The following RIMBP2 variants were observed in gnomAD, a reference collection of about 807,000 sequenced individuals.
RIMBP2 encodes the protein RIMS-binding protein 2.
Under a neutral mutation model 118.6 loss-of-function variants are expected in RIMBP2, and 48 were observed. The ratio of observed to expected loss-of-function variants is 0.40; its 90% CI spans 0.32 to 0.51. RIMBP2 has a LOEUF of 0.51. Ranked by LOEUF, RIMBP2 falls within the 20% of genes least tolerant of loss-of-function variation. The pLI, the probability that RIMBP2 is intolerant of heterozygous loss-of-function variation, is 0.41. For synonymous variants in RIMBP2, 762 were observed against 742.9 expected, an observed-to-expected ratio of 1.03 and a Z score of -0.42; for missense variants, 1,551 against 1,768.3, an observed-to-expected ratio of 0.88 and a Z score of 2.20.
At chr12:130,398,011 A>G (rs1321893042) in intron 22 of RIMBP2, 4 of 152,820 alleles carry the variant, frequency 2.6e-5, no homozygotes, top group African/African-American at 7.2e-5. Flanking sequence ...TTGGTATACT[A>G]TAGAAATATT....
intron 12 of RIMBP2, 88 bp downstream of exon 12, chr12:130,438,277 C>T: frequency 1.4e-6 from 2 of 1,462,586 alleles, no homozygotes; most frequent in South Asian, 2.5e-5. Context: ...AAGAGCAGAC[C>T]CTGCCTCCTC....
intron 2 of RIMBP2, among the ~76,000 whole-genome samples, chr12:130,593,021 G>A (rs2059365589): frequency 6.6e-6 from 1 of 152,106 alleles, no homozygotes; most frequent in African/African-American, 2.4e-5. Flanking sequence ...CTCTGCTTCC[G>A]CTCGGATAGA....
Position 130,640,106 on chromosome 12 carries a change from C to T in RIMBP2, c.-351-11650G>A, listed in dbSNP as rs537486720. ...CCGCCCCAGAACAATGGGCATCTCACGATGTTATTCTCGATCACAGACATT... is the reference window on the plus strand; with the variant it reads ...CCGCCCCAGAACAATGGGCATCTCATGATGTTATTCTCGATCACAGACATT... On this transcript the variant is annotated intron_variant, in intron 1 of 22. Coordinates refer to ENST00000690449, the MANE Select transcript of RIMBP2 (RefSeq NM_001393629.1). Among the ~76,000 whole-genome samples the T allele has an allele frequency of 1.1e-4, 17 of 152,254 alleles. No homozygotes were observed. The South Asian group carries it at 1.5e-3, about 13-fold the overall frequency.
chr12:130,530,280 G>A (rs2053232195), intron 2 of RIMBP2, among the ~76,000 whole-genome samples: 1 of 151,914 alleles, frequency 6.6e-6, no homozygotes, highest in African/African-American at 2.4e-5. Flanking sequence ...GATTTGCAAG[G>A]GTAATTTTTT....
At chr12:130,504,269 G>C (rs1346058175) in intron 4 of RIMBP2, among the ~76,000 whole-genome samples, 3 of 152,160 alleles carry the variant, frequency 2.0e-5, no homozygotes, top group African/African-American at 7.2e-5. Context: ...GTTCTGTGCA[G>C]GCAAAGGGGA....
intron 1 of RIMBP2, among the ~76,000 whole-genome samples, chr12:130,654,252 T>C (rs1056320650): frequency 4.6e-5 from 7 of 152,378 alleles, no homozygotes; most frequent in Non-Finnish European, 1.0e-4. Context: ...CATAGGTTAT[T>C]AGAAGCAGCC....
At chr12:130,421,701 G>A (rs2076422054) in intron 17 of RIMBP2, among the ~76,000 whole-genome samples, 1 of 151,034 alleles carries the variant, frequency 6.6e-6, no homozygotes, top group African/African-American at 2.5e-5. Flanking sequence ...ATGTGTGTGT[G>A]TGTGTGTGTG....
chr12:130,704,701 T>A (rs1255910302), intron 1 of RIMBP2, among the ~76,000 whole-genome samples: 2 of 152,176 alleles, frequency 1.3e-5, no homozygotes, highest in Non-Finnish European at 2.9e-5. Context: ...CGTGGACTCA[T>A]AACCCCTCGC....
At position 130,431,525 on chromosome 12, in the gene RIMBP2, A is replaced by G. The variant is rs977500288; in HGVS notation, c.2254-3188T>C. On this transcript the variant is annotated intron_variant, in intron 14 of 22. Coordinates refer to ENST00000690449, the MANE Select transcript of RIMBP2 (RefSeq NM_001393629.1). The surrounding 1 kb of genome is among the most constrained non-coding windows in gnomAD (Gnocchi z 4.0). ...TTTAAAGAAAATATCTCAACTGTAA[A>G]TGGAAAATAAGTATCACTTATTTTA... 15 of 298,302 alleles carry G rather than the reference A, an allele frequency of 5.0e-5. 1 individual carries two copies. Among genetic ancestry groups the G allele is most frequent in the Admixed American group, 3.2e-4 (10 of 31,652 alleles). 18.5% of individuals were successfully genotyped at this position (298,302 alleles called of 1,614,324 possible). A position where few individuals can be genotyped will look rare whatever the true frequency, so the allele number is the denominator to read the frequency against.
In RIMBP2 at chr12:130,577,770, G is replaced by A. The variant is rs1196426198; in HGVS notation, c.-217+50552C>T. ...AAAATGCCTTTATGGTGCAATAAAC[G>A]GGAAGCTGACATCCCTCCATCTCAT... On this transcript the variant is annotated intron_variant, in intron 2 of 22. Coordinates refer to ENST00000690449, the MANE Select transcript of RIMBP2 (RefSeq NM_001393629.1). Among the ~76,000 whole-genome samples, 4 of 152,012 alleles carry A rather than the reference G, an allele frequency of 2.6e-5. No homozygotes were observed. In the East Asian group the frequency reaches 5.8e-4, roughly 22 times the overall value.
Position 130,620,257 on chromosome 12 carries a change from C to A in RIMBP2, c.-217+8065G>T, listed in dbSNP as rs2140811427. ...GAATTTAAATCTTGAGCAGAGGGACCCAAGGACAAAAAAAAGAACCAGCAG... is the reference window on the plus strand; with the variant it reads ...GAATTTAAATCTTGAGCAGAGGGACACAAGGACAAAAAAAAGAACCAGCAG... On this transcript the variant is annotated intron_variant, in intron 2 of 22. Coordinates refer to ENST00000690449, the MANE Select transcript of RIMBP2 (RefSeq NM_001393629.1). The surrounding 1 kb of genome is among the most constrained non-coding windows in gnomAD (Gnocchi z 5.3). Among the ~76,000 whole-genome samples the A allele has an allele frequency of 6.6e-6, 1 of 152,160 alleles. No homozygotes were observed. Among genetic ancestry groups the A allele is most frequent in the East Asian group, 1.9e-4 (1 of 5,176 alleles).
At position 130,397,356 on chromosome 12, in the gene RIMBP2, A is replaced by G. The variant is rs2074141920; in HGVS notation, c.*5T>C. 2.5e-6 allele frequency: 1 copy of G among 399,056 alleles called. No homozygotes were observed. The highest frequency in any genetic ancestry group is 4.4e-6 in the Non-Finnish European group (1 of 226,058). The allele number at this position is 399,056 out of a possible 1,614,324, so 24.7% of individuals were successfully genotyped here. A position where few individuals can be genotyped will look rare whatever the true frequency, so the allele number is the denominator to read the frequency against. ...AGATTTGGCAGTTGTCCGGAAGCAC[A>G]TGAATCATTTCACTGCACCCAGCTT... On this transcript the variant is annotated 3_prime_UTR_variant, in exon 23 of 23. Coordinates refer to ENST00000690449, the MANE Select transcript of RIMBP2 (RefSeq NM_001393629.1).
chr12:130,662,869 C>A (rs1287053669), intron 1 of RIMBP2, among the ~76,000 whole-genome samples: 1 of 151,918 alleles, frequency 6.6e-6, no homozygotes, highest in African/African-American at 2.4e-5. Flanking sequence ...GTTGGGAGGA[C>A]TGCTTGAGCC....
rs1425626905 is a variant in RIMBP2 at position 130,617,181 on chromosome 12, A to G, written c.-217+11141T>C. Among the ~76,000 whole-genome samples, 1 of 135,388 alleles carries G rather than the reference A, an allele frequency of 7.4e-6. No individual in the cohort carries two copies. Among genetic ancestry groups the G allele is most frequent in the East Asian group, 2.5e-4 (1 of 4,016 alleles). 88.8% of individuals were successfully genotyped at this position (135,388 alleles called of 152,430 possible). A position where few individuals can be genotyped will look rare whatever the true frequency, so the allele number is the denominator to read the frequency against. On this transcript the variant is annotated intron_variant, in intron 2 of 22. Coordinates refer to ENST00000690449, the MANE Select transcript of RIMBP2 (RefSeq NM_001393629.1). This position sits in a 1 kb window ranked among gnomAD's most constrained non-coding sequence, Gnocchi z 4.6. ...TGTCACCAACGATCCCCCACCCCCG[A>G]CCCCCGCCCCGAGTTAGTGCTGCCA...
intron 19 of RIMBP2, among the ~76,000 whole-genome samples, chr12:130,409,880 C>T (rs2075560491): frequency 1.3e-5 from 2 of 152,184 alleles, no homozygotes; most frequent in African/African-American, 2.4e-5. Flanking sequence ...TGTGTGTGAA[C>T]GTAAGTTTCC....
chr12:130,668,742 G>A (rs2064063828), intron 1 of RIMBP2, among the ~76,000 whole-genome samples: 1 of 152,086 alleles, frequency 6.6e-6, no homozygotes, highest in Non-Finnish European at 1.5e-5. Flanking sequence ...CTCAGGGTTA[G>A]CAGCTTAACT....
intron 2 of RIMBP2, among the ~76,000 whole-genome samples, chr12:130,611,959 C>G (rs561275754): frequency 1.3e-5 from 2 of 152,326 alleles, no homozygotes; most frequent in South Asian, 4.1e-4. Context: ...ATACCCGAAG[C>G]AGATACAATG....
chr12:130,562,881 G>A (rs1312023892), intron 2 of RIMBP2, among the ~76,000 whole-genome samples: 1 of 152,182 alleles, frequency 6.6e-6, no homozygotes, highest in South Asian at 2.1e-4. Flanking sequence ...AAGAGTGAAG[G>A]GAATTTGAAA....
In RIMBP2 at chr12:130,447,099, G is replaced by A. The variant is rs184542649; in HGVS notation, c.582-1830C>T. 9.2e-4 allele frequency among the ~76,000 whole-genome samples: 139 copies of A among 151,588 alleles called. No homozygotes were observed. The highest frequency in any genetic ancestry group is 8.2e-3 in the East Asian group (42 of 5,150). Reference sequence around the variant, plus strand: ...AGGAGGAGGAGGAGGAGGAGGGAGCGAGAGGAACAGGAGCCCCCAGGCCAC... The same window carrying A: ...AGGAGGAGGAGGAGGAGGAGGGAGCAAGAGGAACAGGAGCCCCCAGGCCAC... On this transcript the variant is annotated intron_variant, in intron 9 of 22. Coordinates refer to ENST00000690449, the MANE Select transcript of RIMBP2 (RefSeq NM_001393629.1). The surrounding 1 kb of genome is among the most constrained non-coding windows in gnomAD (Gnocchi z 4.4).
Sources: gnomAD v4.1 joint callset for allele counts (sites outside exome capture counted in the v4.1 genomes callset) on GRCh38, gnomAD v4.1.1 for gene constraint, Gnocchi (gnomAD v3.1) non-coding constraint, MANE v1.5 for transcripts, NCBI Gene and HGNC (gene_info 2026-07-23, HGNC 2026-07-21) for gene names.